The following DAPK1 variants were observed in gnomAD, a reference collection of about 807,000 sequenced individuals.
DAPK1 encodes the protein death-associated protein kinase 1.
Under a neutral mutation model 144.9 loss-of-function variants are expected in DAPK1, and 56 were observed. That is an observed-to-expected ratio of 0.39 (90% CI 0.31 to 0.48). The LOEUF is 0.48. DAPK1 is among the 20% of genes least tolerant of loss of function. DAPK1 has a pLI of 0.95. For synonymous variants in DAPK1, 690 were observed against 749.0 expected, an observed-to-expected ratio of 0.92 and a Z score of 1.29; for missense variants, 1,454 against 1,875.4, an observed-to-expected ratio of 0.78 and a Z score of 4.15.
intron 2 of DAPK1, among the ~76,000 whole-genome samples, chr9:87,574,516 G>C (rs1827471595): frequency 6.6e-6 from 1 of 152,216 alleles, no homozygotes; most frequent in Non-Finnish European, 1.5e-5. Flanking sequence ...AGGAGGCAGA[G>C]CTGGCCCTTA....
intron 2 of DAPK1, among the ~76,000 whole-genome samples, chr9:87,517,465 A>G (rs750557281): frequency 4.6e-5 from 7 of 152,010 alleles, no homozygotes; most frequent in African/African-American, 7.3e-5. Flanking sequence ...CTGTGTGCCC[A>G]TCTTTCCTAG....
intron 3 of DAPK1, among the ~76,000 whole-genome samples, chr9:87,631,864 T>C (rs1829700642): frequency 6.6e-6 from 1 of 152,196 alleles, no homozygotes; most frequent in Non-Finnish European, 1.5e-5. Flanking sequence ...TCCCAAACAT[T>C]TGCTGAAATC....
In DAPK1 at chr9:87,565,245, G is replaced by A. The variant is rs148668357; in HGVS notation, c.63-39709G>A. Among the ~76,000 whole-genome samples the A allele has an allele frequency of 5.3e-3, 728 of 138,576 alleles. 5 individuals carry two copies. The highest frequency in any genetic ancestry group is 7.4e-3 in the Middle Eastern group (2 of 270). 90.9% of individuals were successfully genotyped at this position (138,576 alleles called of 152,430 possible). On this transcript the variant is annotated intron_variant, in intron 2 of 25. Coordinates refer to ENST00000408954, the MANE Select transcript of DAPK1 (RefSeq NM_004938.4). ...AGCATGAAAAACGAGTGTCGAGGCTGTAGAGAAAGAAAAACGTGAGACAGA... is the reference window on the plus strand; with the variant it reads ...AGCATGAAAAACGAGTGTCGAGGCTATAGAGAAAGAAAAACGTGAGACAGA...
chr9:87,586,179 T>C (rs1048990972), intron 2 of DAPK1, among the ~76,000 whole-genome samples: 1 of 152,024 alleles, frequency 6.6e-6, no homozygotes, highest in African/African-American at 2.4e-5. Flanking sequence ...TCCCAGCTAC[T>C]TGGGAGGCTG....
At chr9:87,600,864 C>T (rs573333616) in intron 2 of DAPK1, among the ~76,000 whole-genome samples, 4 of 152,316 alleles carry the variant, frequency 2.6e-5, no homozygotes, top group Admixed American at 2.6e-4. Context: ...ACAAGCGCCC[C>T]CAGCGTGGTT....
intron 20 of DAPK1, among the ~76,000 whole-genome samples, chr9:87,683,723 G>A (rs866493092): frequency 6.6e-6 from 1 of 152,158 alleles, no homozygotes; most frequent in Non-Finnish European, 1.5e-5. Context: ...GTGGCTCTGG[G>A]TGACCCTTTT....
chr9:87,692,925 A>ACGGG (rs1348416434), intron 21 of DAPK1, among the ~76,000 whole-genome samples: 1 of 118,298 alleles, frequency 8.5e-6, no homozygotes, highest in Admixed American at 1.2e-4. Context: ...TGTGAGTCTG[A>ACGGG]CGGGCGTTCC....
intron 2 of DAPK1, among the ~76,000 whole-genome samples, chr9:87,596,582 A>T (rs948457329): frequency 1.3e-5 from 2 of 152,140 alleles, no homozygotes; most frequent in Non-Finnish European, 2.9e-5. Flanking sequence ...ATGCGTGCTG[A>T]TGGGATGAGA....
chr9:87,563,304 A>G (rs1159450223), intron 2 of DAPK1, among the ~76,000 whole-genome samples: 1 of 152,258 alleles, frequency 6.6e-6, no homozygotes, highest in Non-Finnish European at 1.5e-5. Flanking sequence ...AATTGAGGGC[A>G]CAAAGATGAA....
chr9:87,626,445 AAC>A, intron 3 of DAPK1, among the ~76,000 whole-genome samples: 1 of 41,972 alleles, frequency 2.4e-5, no homozygotes, highest in South Asian at 9.7e-4. Context: ...AACAAAAAAC[AAC>A]AACAACAACA....
chr9:87,684,094 T>C lies in DAPK1; in HGVS notation c.2225-2457T>C, dbSNP rs569985372. ...AGGCACTTGCTGCCCTCACAGCTTG[T>C]ACATCAGCATCAGACAGCGCCCGGG... On this transcript the variant is annotated intron_variant, in intron 20 of 25. Coordinates refer to ENST00000408954, the MANE Select transcript of DAPK1 (RefSeq NM_004938.4). Among the ~76,000 whole-genome samples, 13 of 152,326 alleles carry C rather than the reference T, an allele frequency of 8.5e-5. No homozygotes were observed. In the East Asian group the frequency reaches 2.5e-3, roughly 29 times the overall value.
Position 87,648,858 on chromosome 9 carries a change from A to C in DAPK1, c.1407A>C (p.Ser469=), listed in dbSNP as rs2119170249. 1 of 1,614,212 alleles carries C rather than the reference A, an allele frequency of 6.2e-7. No homozygotes were observed. Among genetic ancestry groups the C allele is most frequent in the Non-Finnish European group, 8.5e-7 (1 of 1,180,012 alleles). The part of the protein sequence containing the change: ...DVAQLLCSFG[S]NPNIQDKEEE... ...CTCAGTTACTGTGCAGCTTCGGCTCAAATCCCAATATCCAGGACAAGGTGG... is the reference window on the plus strand; with the variant it reads ...CTCAGTTACTGTGCAGCTTCGGCTCCAATCCCAATATCCAGGACAAGGTGG... Residue 469 remains serine (S), a synonymous_variant, in exon 15 of 26, where the codon TCA becomes TCC. Transcript: ENST00000408954.
rs533065253 is a variant in DAPK1 at position 87,503,858 on chromosome 9, G to A, written c.62+4719G>A. Among the ~76,000 whole-genome samples, 14 of 152,318 alleles carry A rather than the reference G, an allele frequency of 9.2e-5. No homozygotes were observed. In the South Asian group the frequency reaches 2.9e-3, roughly 32 times the overall value. On this transcript the variant is annotated intron_variant, in intron 2 of 25. Transcript: ENST00000408954. ...TTTTAAACAAAACAAATGAAGTGGA[G>A]CATTAAATATTTTACATTGGTTTGG...
chr9:87,549,677 C>T (rs942425637), intron 2 of DAPK1, among the ~76,000 whole-genome samples: 6 of 152,218 alleles, frequency 3.9e-5, no homozygotes, highest in African/African-American at 1.4e-4. Flanking sequence ...CTCGCCCCTC[C>T]TTTTACATTG....
chr9:87,595,189 G>A (rs552257133), intron 2 of DAPK1, among the ~76,000 whole-genome samples: 66 of 152,282 alleles, frequency 4.3e-4, no homozygotes, highest in Non-Finnish European at 7.6e-4. Flanking sequence ...GAAGGAAAAA[G>A]GTTTTGTGGT....
At chr9:87,598,476 G>C (rs1321170540) in intron 2 of DAPK1, among the ~76,000 whole-genome samples, 1 of 151,880 alleles carries the variant, frequency 6.6e-6, no homozygotes, top group East Asian at 1.9e-4. Flanking sequence ...TGCTGTTTTC[G>C]TCACTTTTTT....
chr9:87,637,697 C>T (rs1829950383), intron 3 of DAPK1, among the ~76,000 whole-genome samples: 1 of 152,182 alleles, frequency 6.6e-6, no homozygotes, highest in Non-Finnish European at 1.5e-5. Context: ...TTCATCTCTG[C>T]CCCTCCTCTC....
chr9:87,551,937 G>T (rs547145039), intron 2 of DAPK1, among the ~76,000 whole-genome samples: 1 of 152,138 alleles, frequency 6.6e-6, no homozygotes, highest in African/African-American at 2.4e-5. Flanking sequence ...GTGGGCAGCC[G>T]GAATCTAGAT....
At chr9:87,649,800 C>T in intron 15 of DAPK1, 121 bp from the exon 16 acceptor site, 3 of 849,378 alleles carry the variant, frequency 3.5e-6, no homozygotes, top group Non-Finnish European at 6.0e-6. Flanking sequence ...TACCTATGAG[C>T]TCTTTCCCTC....
Sources: gnomAD v4.1 joint callset for allele counts (sites outside exome capture counted in the v4.1 genomes callset) on GRCh38, gnomAD v4.1.1 for gene constraint, MANE v1.5 for transcripts, NCBI Gene and HGNC (gene_info 2026-07-23, HGNC 2026-07-21) for gene names.